Variants in KLHL15 observed in about 807,000 individuals in gnomAD.
KLHL15 encodes the protein kelch like family member 15.
A neutral mutation model predicts 29.3 loss-of-function variants in KLHL15; 1 was observed. The observed-to-expected ratio is 0.03, with a 90% CI of 0.01 to 0.16. KLHL15 has a LOEUF of 0.16. KLHL15 is among the 10% of genes least tolerant of loss of function. The probability of loss-of-function intolerance (pLI) is 1.00; values close to 1 mark genes in which losing one functional copy is unlikely to be tolerated. For synonymous variants in KLHL15, 212 were observed against 184.5 expected (o/e 1.15, Z -1.21); for missense variants, 215 against 478.5 (o/e 0.45, Z 5.14).
At chrX:24,019,214 A>G (rs781032840) in intron 2 of KLHL15, among the ~76,000 whole-genome samples, 5 of 111,785 alleles carry the variant, frequency 4.5e-5, no homozygotes, top group African/African-American at 1.6e-4. Flanking sequence ...TAGAAAAGTT[A>G]TTTTTCATAA....
chrX:24,008,742 C>T (rs1384211851), intron 2 of KLHL15, among the ~76,000 whole-genome samples: 1 of 109,399 alleles, frequency 9.1e-6, no homozygotes, highest in African/African-American at 3.3e-5. Context: ...AAACAAAATC[C>T]CCTACATGCT....
chrX:24,016,375 G>A lies in KLHL15; in HGVS notation c.-8+8482C>T, dbSNP rs1333062682. Among the ~76,000 whole-genome samples the A allele has an allele frequency of 3.1e-5, 3 of 97,299 alleles. No homozygotes were observed. In the South Asian group the frequency reaches 1.4e-3, roughly 47 times the overall value. 84.5% of individuals were successfully genotyped at this position (97,299 alleles called of 115,157 possible). On this transcript the variant is annotated intron_variant, in intron 2 of 3. Transcript: ENST00000328046. ...AAAAAAAAAAAAAAAAAAAGGGGGG[G>A]TATACTTGGCCAGGTGCAGTGGCTC...
chrX:23,994,627 G>A (rs747837487), intron 3 of KLHL15, among the ~76,000 whole-genome samples: 2 of 111,863 alleles, frequency 1.8e-5, no homozygotes, highest in East Asian at 5.6e-4. Context: ...AAGAGGTATG[G>A]AAAGAACGAC....
chrX:23,990,806 CCTAT>C (rs762647146), intron 3 of KLHL15, among the ~76,000 whole-genome samples: 2 of 110,660 alleles, frequency 1.8e-5, no homozygotes, highest in African/African-American at 6.6e-5. Context: ...TTTCCTCCTT[CCTAT>C]CTTTCTTTCT....
intron 3 of KLHL15, among the ~76,000 whole-genome samples, chrX:24,003,650 T>C (rs1276001575): frequency 4.1e-4 from 17 of 41,388 alleles, no homozygotes; most frequent in African/African-American, 3.8e-3. Flanking sequence ...TAAATATATG[T>C]GTGTGTGTGT....
chrX:24,016,539 C>T (rs1452056899), intron 2 of KLHL15, among the ~76,000 whole-genome samples: 4 of 107,169 alleles, frequency 3.7e-5, no homozygotes, highest in African/African-American at 6.8e-5. Context: ...TTGTGGCTCA[C>T]GCCTGTAATC....
chrX:24,011,030 A>G (rs1204947521), intron 2 of KLHL15, among the ~76,000 whole-genome samples: 1 of 109,893 alleles, frequency 9.1e-6, no homozygotes, highest in Non-Finnish European at 1.9e-5. Context: ...AAAAGACGCC[A>G]CTTCTCCACT....
At chrX:23,997,475 C>T (rs1160949359) in intron 3 of KLHL15, among the ~76,000 whole-genome samples, 2 of 109,628 alleles carry the variant, frequency 1.8e-5, no homozygotes, top group East Asian at 2.9e-4. Flanking sequence ...GGGTGGCTCA[C>T]GCCTGTAGAC....
At chrX:24,021,433 C>T (rs1344149690) in intron 2 of KLHL15, among the ~76,000 whole-genome samples, 1 of 111,360 alleles carries the variant, frequency 9.0e-6, no homozygotes, top group Admixed American at 9.7e-5. Context: ...ACCTGACAAT[C>T]CCCATGCCCC....
chrX:23,987,957 C>T lies in KLHL15; in HGVS notation c.1779G>A (p.Pro593=), dbSNP rs368676926. 24 of 1,207,712 alleles carry T rather than the reference C, an allele frequency of 2.0e-5. No individual in the cohort carries two copies. Among genetic ancestry groups the T allele is most frequent in the South Asian group, 1.1e-4 (6 of 56,465 alleles). The change falls in exon 4 of 4, where the codon CCG becomes CCA. Residue 593 remains proline, a synonymous_variant. Coordinates refer to ENST00000328046, the MANE Select transcript of KLHL15 (RefSeq NM_030624.3). ...GCCTGACCTCATCCAGTACATAGTC[C>T]GGAAAATGCAGGTTGCATACTTGTA... The part of the protein sequence containing the change: ...DGLQVCNLHF[P]DYVLDEVRRC...
rs1195344747 is a variant in KLHL15, at chrX:23,988,916, G to A, written c.820C>T (p.Arg274Cys). 3 of 1,209,841 alleles carry A rather than the reference G, an allele frequency of 2.5e-6. No individual in the cohort carries two copies. Among genetic ancestry groups the A allele is most frequent in the African/African-American group, 3.5e-5 (2 of 57,141 alleles). The change falls in exon 4 of 4, where the codon CGC (arginine) becomes TGC (cysteine). Residue 274 changes from arginine (R) to cysteine (C), a missense_variant. Transcript: ENST00000328046. ...GTTTGCGGTTTTGCAGAACGGATGC[G>A]GCTTGACTTCATATCCAACAAAGGC... Reference protein sequence around the residue: ...QQPLLDMKSSRIRSAKPQTTV... With the variant: ...QQPLLDMKSSCIRSAKPQTTV...
intron 2 of KLHL15, among the ~76,000 whole-genome samples, chrX:24,014,526 AAAAC>A (rs892091661): frequency 9.3e-6 from 1 of 107,675 alleles, no homozygotes; most frequent in African/African-American, 3.3e-5. Context: ...AAAAAACAAA[AAAAC>A]AAAAAAAAAC....
chrX:24,020,047 T>C (rs1221015716), intron 2 of KLHL15, among the ~76,000 whole-genome samples: 1 of 112,308 alleles, frequency 8.9e-6, no homozygotes, highest in Non-Finnish European at 1.9e-5. Context: ...TTACCCTCAA[T>C]GAAAAATTTA....
At chrX:23,997,081 G>C (rs762811178) in intron 3 of KLHL15, among the ~76,000 whole-genome samples, 55 of 112,428 alleles carry the variant, frequency 4.9e-4, no homozygotes, top group African/African-American at 1.7e-3. Context: ...AACTTCAGAA[G>C]TGAACTTCAG....
chrX:24,021,240 G>A (rs1247685985), intron 2 of KLHL15, among the ~76,000 whole-genome samples: 1 of 110,759 alleles, frequency 9.0e-6, no homozygotes, highest in Non-Finnish European at 1.9e-5. Context: ...ATCTCCCTTG[G>A]TGCCGCTGTT....
intron 2 of KLHL15, 60 bp downstream of exon 2, chrX:24,024,797 G>A: frequency 6.7e-6 from 2 of 297,563 alleles, no homozygotes; most frequent in Non-Finnish European, 1.2e-5. Context: ...TTCGTGCCTA[G>A]CTCGGGGCCG....
chrX:23,996,403 C>G (rs1313381900), intron 3 of KLHL15, among the ~76,000 whole-genome samples: 1 of 112,191 alleles, frequency 8.9e-6, no homozygotes, highest in Non-Finnish European at 1.9e-5. Context: ...TGGTGGCTCA[C>G]GCCTGTAATC....
chrX:24,025,744 C>T (rs1929919730), intron 1 of KLHL15, among the ~76,000 whole-genome samples: 2 of 110,068 alleles, frequency 1.8e-5, no homozygotes, highest in Admixed American at 9.4e-5. Flanking sequence ...GCGGGGAAGG[C>T]TGTCCCGCGC....
At chrX:24,026,416 G>A (rs1929934619) in intron 1 of KLHL15, among the ~76,000 whole-genome samples, 1 of 111,962 alleles carries the variant, frequency 8.9e-6, no homozygotes, top group Non-Finnish European at 1.9e-5. Flanking sequence ...TAGACTATAG[G>A]ACTGTTTTGT....
Sources: allele counts gnomAD v4.1 joint callset (sites outside exome capture counted in the v4.1 genomes callset), GRCh38; gene constraint gnomAD v4.1.1; transcripts MANE v1.5; gene names NCBI Gene and HGNC (gene_info 2026-07-23, HGNC 2026-07-21).